SNTG1: variants seen among roughly 807,000 people sequenced by gnomAD.
SNTG1 encodes the protein syntrophin gamma 1.
SNTG1 carries 39 observed loss-of-function variants against 74.7 expected under a neutral mutation model. The ratio of observed to expected loss-of-function variants is 0.52; its 90% confidence interval spans 0.40 to 0.68. The LOEUF is 0.68. Ranked by LOEUF, SNTG1 falls within the 30% of genes least tolerant of loss-of-function variation. SNTG1 has a pLI of 0.00. For synonymous variants in SNTG1, 254 were observed against 217.1 expected (o/e 1.17, Z -1.49); for missense variants, 685 against 609.5 (o/e 1.12, Z -1.30).
intron 8 of SNTG1, among the ~76,000 whole-genome samples, chr8:50,471,388 A>T (rs2093653472): frequency 6.6e-6 from 1 of 152,136 alleles, no homozygotes; most frequent in African/African-American, 2.4e-5. Context: ...ACTACATAGG[A>T]AATAATACTA....
intron 4 of SNTG1, among the ~76,000 whole-genome samples, chr8:50,416,510 T>C (rs1430125546): frequency 6.6e-6 from 1 of 152,176 alleles, no homozygotes; most frequent in East Asian, 1.9e-4. Flanking sequence ...TTATTTTTCT[T>C]CTTTATGGTT....
chr8:50,301,695 C>A (rs1214524573), intron 2 of SNTG1, among the ~76,000 whole-genome samples: 2 of 151,988 alleles, frequency 1.3e-5, no homozygotes, highest in East Asian at 3.9e-4. Flanking sequence ...ATTCTCACAT[C>A]CCCTGGGATT....
intron 1 of SNTG1, among the ~76,000 whole-genome samples, chr8:50,097,663 C>A (rs1478691484): frequency 2.7e-5 from 4 of 149,218 alleles, no homozygotes; most frequent in East Asian, 2.1e-4. Context: ...AAAAAAAAAA[C>A]AAAAAACGAA....
intron 1 of SNTG1, among the ~76,000 whole-genome samples, chr8:49,993,063 C>T (rs890107965): frequency 6.6e-6 from 1 of 152,030 alleles, no homozygotes; most frequent in Non-Finnish European, 1.5e-5. Context: ...CTAGTCATTG[C>T]ATGCATGCTT....
chr8:50,727,600 G>A (rs540089279), intron 17 of SNTG1, among the ~76,000 whole-genome samples: 3 of 152,086 alleles, frequency 2.0e-5, no homozygotes, highest in African/African-American at 7.2e-5. Context: ...ACAAGAGAAG[G>A]GTTAGTGAGA....
intron 1 of SNTG1, among the ~76,000 whole-genome samples, chr8:50,041,968 G>T (rs960756107): frequency 2.6e-5 from 4 of 152,084 alleles, no homozygotes; most frequent in African/African-American, 9.7e-5. Context: ...TTATATAGAT[G>T]TTCCTCAACT....
At chr8:50,531,001 A>G (rs2094262432) in intron 10 of SNTG1, among the ~76,000 whole-genome samples, 1 of 152,186 alleles carries the variant, frequency 6.6e-6, no homozygotes, top group Non-Finnish European at 1.5e-5. Flanking sequence ...GCAGAATTTT[A>G]TTGTTCTATT....
intron 15 of SNTG1, among the ~76,000 whole-genome samples, chr8:50,700,481 C>A (rs957528445): frequency 6.6e-5 from 10 of 152,102 alleles, no homozygotes; most frequent in Admixed American, 1.3e-4. Flanking sequence ...CTCCTCCCAC[C>A]CATCCACTCT....
intron 2 of SNTG1, among the ~76,000 whole-genome samples, chr8:50,272,485 C>T (rs117300617): frequency 1.4e-4 from 22 of 152,246 alleles, no homozygotes; most frequent in Middle Eastern, 3.4e-3. Flanking sequence ...CTGTAAGGCA[C>T]CAGGACATGA....
At chr8:50,103,834 T>G (rs538582301) in intron 1 of SNTG1, among the ~76,000 whole-genome samples, 1 of 152,212 alleles carries the variant, frequency 6.6e-6, no homozygotes, top group African/African-American at 2.4e-5. Flanking sequence ...GGTTTTTGTC[T>G]TTGGTTCTGT....
chr8:50,620,329 T>A (rs891066788), intron 13 of SNTG1, among the ~76,000 whole-genome samples: 4 of 152,208 alleles, frequency 2.6e-5, no homozygotes, highest in Non-Finnish European at 5.9e-5. Context: ...ATTCTTCTGC[T>A]TTCCTCTCCC....
intron 1 of SNTG1, among the ~76,000 whole-genome samples, chr8:50,069,160 A>G (rs185781382): frequency 1.4e-3 from 208 of 152,352 alleles, no homozygotes; most frequent in African/African-American, 4.6e-3. Flanking sequence ...TTAAGTATCC[A>G]AGAACAGAAA....
chr8:50,209,656 G>C (rs1051771181), intron 2 of SNTG1, among the ~76,000 whole-genome samples: 8 of 152,196 alleles, frequency 5.3e-5, no homozygotes, highest in Non-Finnish European at 1.2e-4. Context: ...TGCAGCTGAG[G>C]GTCCTGACTG....
intron 8 of SNTG1, among the ~76,000 whole-genome samples, chr8:50,479,458 C>T (rs768976172): frequency 6.6e-6 from 1 of 151,878 alleles, no homozygotes; most frequent in African/African-American, 2.4e-5. Flanking sequence ...TTTCTTAGTG[C>T]CTGTCTTCTG....
At chr8:50,155,903 G>T (rs1365512596) in intron 1 of SNTG1, among the ~76,000 whole-genome samples, 1 of 150,714 alleles carries the variant, frequency 6.6e-6, no homozygotes, top group African/African-American at 2.4e-5. Context: ...AATTGTAAAA[G>T]AAAATAAACA....
At chr8:50,364,218 G>A (rs1467127047) in intron 2 of SNTG1, among the ~76,000 whole-genome samples, 2 of 152,162 alleles carry the variant, frequency 1.3e-5, no homozygotes, top group African/African-American at 4.8e-5. Context: ...CCCCTGGCAA[G>A]CCACACCCGC....
At chr8:50,024,736 T>C (rs1353015423) in intron 1 of SNTG1, among the ~76,000 whole-genome samples, 7 of 152,138 alleles carry the variant, frequency 4.6e-5, no homozygotes, top group African/African-American at 7.2e-5. Flanking sequence ...GAACGTTGTC[T>C]CTCTCTCGAG....
chr8:50,051,239 GACACAC>G lies in SNTG1; in HGVS notation c.-102-121296_-102-121291del, dbSNP rs145739550. On this transcript the variant is annotated intron_variant, in intron 1 of 18. Coordinates refer to ENST00000642720, the MANE Select transcript of SNTG1 (RefSeq NM_018967.5). ...ACATTATCTTTAGATAGAAAATCTTGACACACACACACACACACACACACACACACA... is the reference window on the plus strand; with the variant it reads ...ACATTATCTTTAGATAGAAAATCTTGACACACACACACACACACACACACA... Among the ~76,000 whole-genome samples, 1,275 of 147,206 alleles carry G rather than the reference GACACAC, an allele frequency of 8.7e-3. 29 individuals carry two copies. The highest frequency in any genetic ancestry group is 0.03 in the African/African-American group (1,198 of 40,072).
At chr8:50,676,683 A>G (rs1222096306) in intron 15 of SNTG1, among the ~76,000 whole-genome samples, 1 of 151,108 alleles carries the variant, frequency 6.6e-6, no homozygotes, top group Non-Finnish European at 1.5e-5. Flanking sequence ...TGTCATTTGC[A>G]CTCCATTTTT....
Sources: gnomAD v4.1 joint callset for allele counts (sites outside exome capture counted in the v4.1 genomes callset) on GRCh38, gnomAD v4.1.1 for gene constraint, MANE v1.5 for transcripts, NCBI Gene and HGNC (gene_info 2026-07-23, HGNC 2026-07-21) for gene names.